TARBP1: variants seen among roughly 807,000 people sequenced by gnomAD.
TARBP1 encodes the protein tRNA guanosine 2 -O-methyltransferase TARBP1, also known as tRNA (guanosine(18)-2'-O)-methyltransferase TARBP1.
A neutral mutation model predicts 178.6 loss-of-function variants in TARBP1; 144 were observed. That is an observed-to-expected ratio of 0.81 (90% CI 0.70 to 0.93). The LOEUF (loss-of-function observed/expected upper bound fraction) is 0.93. Ranked by LOEUF, TARBP1 falls within the 40% of genes least tolerant of loss-of-function variation. TARBP1 has a pLI of 0.00. For synonymous variants in TARBP1, 787 were observed against 781.0 expected (o/e 1.01, Z -0.13); for missense variants, 2,067 against 2,011.7 (o/e 1.03, Z -0.53).
In TARBP1 at chr1:234,427,769, G is replaced by A. The variant is rs376499898; in HGVS notation, c.3061-3C>T. The A allele has an allele frequency of 2.1e-5, 29 of 1,391,630 alleles. No homozygotes were observed. In the African/African-American group the frequency reaches 3.3e-4, roughly 16 times the overall value. The allele number at this position is 1,391,630 out of a possible 1,614,324, so 86.2% of individuals were successfully genotyped here. On this transcript the variant is annotated splice_region_variant and splice_polypyrimidine_tract_variant and intron_variant, in intron 17 of 29. Transcript: ENST00000040877. ...ATTTCAATTATCTTGTACATAATCT[G>A]GAATAAAATACAACCGTCATTTTAT... is the stretch of plus-strand genomic sequence containing the variant.
intron 24 of TARBP1, among the ~76,000 whole-genome samples, chr1:234,403,823 A>G (rs1365766646): frequency 6.6e-6 from 1 of 152,152 alleles, no homozygotes; most frequent in Non-Finnish European, 1.5e-5. Flanking sequence ...AGCTGAGATT[A>G]CAGGCGCCTG....
At chr1:234,459,387 G>T in intron 7 of TARBP1, 61 bp from the exon 8 acceptor site, 1 of 1,283,874 alleles carries the variant, frequency 7.8e-7, no homozygotes, top group South Asian at 1.3e-5. Context: ...GATAATTTGT[G>T]ATTATCAACA....
intron 3 of TARBP1, among the ~76,000 whole-genome samples, chr1:234,469,589 G>A (rs1571874983): frequency 6.6e-6 from 1 of 152,184 alleles, no homozygotes; most frequent in South Asian, 2.1e-4. Context: ...TTCCTAAGGG[G>A]TCAAACTATT....
intron 22 of TARBP1, among the ~76,000 whole-genome samples, chr1:234,415,964 G>A (rs1242691332): frequency 6.6e-6 from 1 of 152,096 alleles, no homozygotes; most frequent in Non-Finnish European, 1.5e-5. Flanking sequence ...AGCTTCCTTT[G>A]CCTACATCAA....
chr1:234,443,797 T>C (rs1442035948), intron 12 of TARBP1, among the ~76,000 whole-genome samples: 2 of 152,200 alleles, frequency 1.3e-5, no homozygotes, highest in Non-Finnish European at 2.9e-5. Context: ...GCATGATACA[T>C]GCTACAACAT....
chr1:234,420,881 T>C, intron 20 of TARBP1, 69 bp from the exon 21 acceptor site: 1 of 992,976 alleles, frequency 1.0e-6, no homozygotes, highest in Non-Finnish European at 1.5e-6. Flanking sequence ...AAAAAATCAA[T>C]GACAACTTGA....
In TARBP1 at chr1:234,410,503, C is replaced by CA; in HGVS notation, c.3733dup (p.Cys1245LeufsTer41). 1 of 1,512,856 alleles carries CA rather than the reference C, an allele frequency of 6.6e-7. No individual in the cohort carries two copies. Among genetic ancestry groups the CA allele is most frequent in the Non-Finnish European group, 9.1e-7 (1 of 1,099,818 alleles). The allele number at this position is 1,512,856 out of a possible 1,614,324, so 93.7% of individuals were successfully genotyped here. On this transcript the variant is annotated frameshift_variant, in exon 23 of 30. Coordinates refer to ENST00000040877, the MANE Select transcript of TARBP1 (RefSeq NM_005646.4). LOFTEE classifies it high-confidence loss of function. The stretch of plus-strand genomic sequence containing the variant: ...ATGTGATAAAACTGCTAAAAACGTA[C>CA]AAATGCTTGTTTTAAGATTTTCTTC...
At position 234,420,832 on chromosome 1, in the gene TARBP1, GA is replaced by G; in HGVS notation, c.3445-21del. 1 of 1,342,190 alleles carries G rather than the reference GA, an allele frequency of 7.5e-7. No homozygotes were observed. Among genetic ancestry groups the G allele is most frequent in the Non-Finnish European group, 1.1e-6 (1 of 949,130 alleles). The allele number at this position is 1,342,190 out of a possible 1,614,324, so 83.1% of individuals were successfully genotyped here. On this transcript the variant is annotated intron_variant, in intron 20 of 29. Transcript: ENST00000040877. ...TTCATCCTGGAAAGGAGAAGGGAGG[GA>G]GTCAACATTAAATTATCTATTGAAT...
chr1:234,433,753 T>C (rs1186375780), intron 13 of TARBP1, among the ~76,000 whole-genome samples, 182 bp from the exon 14 acceptor site: 3 of 152,256 alleles, frequency 2.0e-5, no homozygotes, highest in Non-Finnish European at 4.4e-5. Flanking sequence ...CTTCCTTCTC[T>C]GTGCTTACAC....
At chr1:234,423,748 ATTTTTT>A (rs1228790622) in intron 20 of TARBP1, among the ~76,000 whole-genome samples, 1 of 130,982 alleles carries the variant, frequency 7.6e-6, no homozygotes. Context: ...TTTTTTCTGA[ATTTTTT>A]TTTTTTTTTT....
chr1:234,425,522 C>A, intron 20 of TARBP1, 151 bp downstream of exon 20: 2 of 859,956 alleles, frequency 2.3e-6, no homozygotes, highest in Non-Finnish European at 3.5e-6. Flanking sequence ...GTGACCAGCC[C>A]TAATCAAGAC....
intron 22 of TARBP1, among the ~76,000 whole-genome samples, chr1:234,415,728 A>G (rs1662346142): frequency 6.6e-6 from 1 of 152,218 alleles, no homozygotes; most frequent in African/African-American, 2.4e-5. Flanking sequence ...AGCTGGCTAT[A>G]GCAAAGCCCT....
chr1:234,460,297 T>A lies in TARBP1; in HGVS notation c.1499A>T (p.His500Leu). ...AAGCCCATCTATACCCAGGGCCTTA[T>A]GTCTTGGGACATTTGCCAAAGCCTT... ...LSKALANVPR[H>L]KALGIDGLLA... Residue 500 changes from histidine (H) to leucine (L), a missense_variant, in exon 7 of 30, where the codon CAT becomes CTT. Physicochemically the swap from His to Leu is moderately conservative, Grantham distance 99. Coordinates refer to ENST00000040877, the MANE Select transcript of TARBP1 (RefSeq NM_005646.4). 6.2e-7 allele frequency: 1 copy of A among 1,614,220 alleles called. No homozygotes were observed. The highest frequency in any genetic ancestry group is 2.2e-5 in the East Asian group (1 of 44,872).
chr1:234,455,855 A>G (rs1290709385), intron 9 of TARBP1, among the ~76,000 whole-genome samples: 3 of 152,210 alleles, frequency 2.0e-5, no homozygotes, highest in Non-Finnish European at 4.4e-5. Flanking sequence ...AAAAGAAAAA[A>G]AAACCACTAA....
intron 13 of TARBP1, among the ~76,000 whole-genome samples, chr1:234,435,074 T>C (rs1664861423): frequency 6.6e-6 from 1 of 152,238 alleles, no homozygotes; most frequent in African/African-American, 2.4e-5. Flanking sequence ...AAAGTCAAAT[T>C]AGAATTAAAT....
chr1:234,443,198 G>T (rs1196539184), intron 12 of TARBP1, among the ~76,000 whole-genome samples: 1 of 150,814 alleles, frequency 6.6e-6, no homozygotes, highest in Non-Finnish European at 1.5e-5. Context: ...GCTGAGGCAG[G>T]ACAATCACTT....
intron 14 of TARBP1, among the ~76,000 whole-genome samples, chr1:234,432,175 C>T (rs550844636): frequency 9.9e-5 from 15 of 150,780 alleles, no homozygotes; most frequent in African/African-American, 2.7e-4. Context: ...GGCACGGTGG[C>T]TCACACCTAC....
In TARBP1 at chr1:234,430,110, A is replaced by C. The variant is rs146581550; in HGVS notation, c.2586T>G (p.Tyr862Ter). The part of the protein sequence containing the change: ...QKPHAEEQSS[Y>*]AHPLECSSVL... ...ACCTGCTGCACTCCAAGGGGTGAGC[A>C]TAACTGCTCTGCTCCTCTGCGTGGG... Residue 862 changes from tyrosine (Y) to a stop codon, truncating the protein, a stop_gained, in exon 15 of 30, where the codon TAT becomes TAG. Transcript: ENST00000040877. LOFTEE classifies it high-confidence loss of function. 3.7e-6 allele frequency: 6 copies of C among 1,613,736 alleles called. No individual in the cohort carries two copies. Among genetic ancestry groups the C allele is most frequent in the Admixed American group, 3.3e-5 (2 of 60,018 alleles).
intron 17 of TARBP1, among the ~76,000 whole-genome samples, chr1:234,428,448 C>T (rs1664021196): frequency 1.3e-5 from 2 of 152,168 alleles, no homozygotes; most frequent in African/African-American, 4.8e-5. Flanking sequence ...CATGCCAACT[C>T]CTACTCAACC....
Sources: allele counts gnomAD v4.1 joint callset (sites outside exome capture counted in the v4.1 genomes callset), GRCh38; gene constraint gnomAD v4.1.1; transcripts MANE v1.5; gene names NCBI Gene and HGNC (gene_info 2026-07-23, HGNC 2026-07-21).